Variants in EPHA4 observed in about 807,000 individuals in gnomAD.
EPHA4 encodes EPH receptor A4.
Under a neutral mutation model 108.3 loss-of-function variants are expected in EPHA4, and 19 were observed. The ratio of observed to expected loss-of-function variants is 0.18; its 90% CI spans 0.12 to 0.26. The LOEUF (loss-of-function observed/expected upper bound fraction) is 0.26. EPHA4 is among the 10% of genes least tolerant of loss of function. The probability of loss-of-function intolerance (pLI) is 1.00; values close to 1 mark genes in which losing one functional copy is unlikely to be tolerated. For synonymous variants in EPHA4, 449 were observed against 455.5 expected (o/e 0.99, Z 0.18); for missense variants, 917 against 1,254.0 (o/e 0.73, Z 4.06).
intron 3 of EPHA4, among the ~76,000 whole-genome samples, chr2:221,550,022 A>C (rs1694112742): frequency 1.3e-5 from 2 of 152,144 alleles, no homozygotes; most frequent in African/African-American, 4.8e-5. Flanking sequence ...AAGTAATGAG[A>C]AATTTCAATA....
At chr2:221,550,922 T>C (rs1019517900) in intron 3 of EPHA4, among the ~76,000 whole-genome samples, 15 of 152,004 alleles carry the variant, frequency 9.9e-5, no homozygotes, top group Admixed American at 5.2e-4. Flanking sequence ...AAGATAAATA[T>C]GTAAATTTAA....
At chr2:221,517,510 G>T (rs1364911703) in intron 3 of EPHA4, among the ~76,000 whole-genome samples, 1 of 152,106 alleles carries the variant, frequency 6.6e-6, no homozygotes, top group East Asian at 1.9e-4. Context: ...CCTGTAAGGA[G>T]GCCCTTGAGA....
chr2:221,420,666 T>C (rs565081285), intron 17 of EPHA4, 114 bp from the exon 18 acceptor site: 1 of 152,344 alleles, frequency 6.6e-6, no homozygotes, highest in African/African-American at 2.4e-5. Context: ...TATCCTTCAG[T>C]AAAAGTAGTT....
At chr2:221,432,788 C>T (rs1273314718) in intron 14 of EPHA4, among the ~76,000 whole-genome samples, 4 of 150,372 alleles carry the variant, frequency 2.7e-5, no homozygotes, top group Non-Finnish European at 5.9e-5. Context: ...GGACTACAGG[C>T]GCACACCACC....
intron 14 of EPHA4, among the ~76,000 whole-genome samples, chr2:221,431,109 A>G (rs1381124598): frequency 6.6e-6 from 1 of 152,234 alleles, no homozygotes; most frequent in Non-Finnish European, 1.5e-5. Flanking sequence ...AGGACATGCC[A>G]AATTTATAGA....
intron 4 of EPHA4, among the ~76,000 whole-genome samples, chr2:221,498,921 G>C (rs1480528974): frequency 1.3e-5 from 2 of 151,460 alleles, no homozygotes; most frequent in Non-Finnish European, 2.9e-5. Flanking sequence ...CTCCTGAGCA[G>C]CTGGGATTAC....
At chr2:221,555,336 C>G (rs973296969) in intron 3 of EPHA4, among the ~76,000 whole-genome samples, 1 of 152,118 alleles carries the variant, frequency 6.6e-6, no homozygotes, top group Non-Finnish European at 1.5e-5. Flanking sequence ...AAAGGAAGCC[C>G]TCATTGCCTT....
chr2:221,499,750 ATATATATTTTTTTT>A (rs1195329532), intron 4 of EPHA4, among the ~76,000 whole-genome samples: 3 of 46,552 alleles, frequency 6.4e-5, no homozygotes, highest in African/African-American at 3.6e-4. Context: ...ATATATATAT[ATATATATTTTTTTT>A]TTTTTTTTTT....
At chr2:221,525,839 C>T (rs1187920818) in intron 3 of EPHA4, among the ~76,000 whole-genome samples, 1 of 152,042 alleles carries the variant, frequency 6.6e-6, no homozygotes. Flanking sequence ...AAGGGTCTAC[C>T]AAGTACTTTT....
At position 221,455,672 on chromosome 2, in the gene EPHA4, T is replaced by A. The variant is rs1272216785; in HGVS notation, c.1604-14A>T. The A allele has an allele frequency of 6.3e-7, 1 of 1,592,334 alleles. No individual in the cohort carries two copies. Among genetic ancestry groups the A allele is most frequent in the Admixed American group, 1.7e-5 (1 of 59,856 alleles). On this transcript the variant is annotated splice_polypyrimidine_tract_variant and intron_variant, in intron 7 of 17. Coordinates refer to ENST00000281821, the MANE Select transcript of EPHA4 (RefSeq NM_004438.5). The stretch of plus-strand genomic sequence containing the variant: ...TCCGGGAAGGCACTGGGAATGACAA[T>A]TGCATAAGGGTCACCTTTGGGAAAG...
chr2:221,551,496 T>C (rs762883325), intron 3 of EPHA4, among the ~76,000 whole-genome samples: 2 of 152,198 alleles, frequency 1.3e-5, no homozygotes, highest in Non-Finnish European at 2.9e-5. Flanking sequence ...GATTTTATGG[T>C]TCTCTAGAAG....
intron 3 of EPHA4, among the ~76,000 whole-genome samples, chr2:221,530,354 A>G (rs577432020): frequency 1.4e-4 from 22 of 152,230 alleles, no homozygotes; most frequent in South Asian, 2.1e-4. Context: ...ATGTGATCAC[A>G]CTGTTACTTT....
chr2:221,503,117 A>G (rs1692527495), intron 3 of EPHA4, among the ~76,000 whole-genome samples: 1 of 152,192 alleles, frequency 6.6e-6, no homozygotes, highest in South Asian at 2.1e-4. Context: ...ACACAAACCC[A>G]CTGGGTCCCG....
chr2:221,570,262 A>G (rs1317533174), intron 1 of EPHA4, among the ~76,000 whole-genome samples: 3 of 151,848 alleles, frequency 2.0e-5, no homozygotes, highest in African/African-American at 7.3e-5. Flanking sequence ...CCTCCCCTTC[A>G]ACATTAGCCT....
intron 14 of EPHA4, among the ~76,000 whole-genome samples, chr2:221,430,969 A>G (rs1690059307): frequency 6.6e-6 from 1 of 152,200 alleles, no homozygotes. Context: ...TAAATAACTC[A>G]TTCAACAGTC....
At chr2:221,450,151 T>C (rs973004441) in intron 8 of EPHA4, among the ~76,000 whole-genome samples, 4 of 152,246 alleles carry the variant, frequency 2.6e-5, no homozygotes, top group Non-Finnish European at 5.9e-5. Flanking sequence ...CACATGATTG[T>C]AATATTCCAG....
At position 221,572,169 on chromosome 2, in the gene EPHA4, G is replaced by T; in HGVS notation, c.80C>A (p.Pro27His). 6.2e-7 allele frequency: 1 copy of T among 1,613,864 alleles called. No individual in the cohort carries two copies. The highest frequency in any genetic ancestry group is 8.5e-7 in the Non-Finnish European group (1 of 1,179,768). ...CDAVTGSRVY[P>H]ANEVTLLDSR... ...CGTCCCGCTCTTACCTTCATTCGCGGGGTATACCCTGGAACCTGTGACAGC... is the reference window on the plus strand; with the variant it reads ...CGTCCCGCTCTTACCTTCATTCGCGTGGTATACCCTGGAACCTGTGACAGC... The change falls in exon 1 of 18, where the codon CCC becomes CAC. Residue 27 changes from proline to histidine, a missense_variant. Pro to His is a moderately conservative substitution (Grantham distance 77, BLOSUM62 -2). Coordinates refer to ENST00000281821, the MANE Select transcript of EPHA4 (RefSeq NM_004438.5).
In EPHA4 at chr2:221,564,411, C is replaced by A; in HGVS notation, c.160-17G>T. On this transcript the variant is annotated splice_polypyrimidine_tract_variant and intron_variant, in intron 2 of 17. Transcript: ENST00000281821. ...TTCCTCCCACTGCAAAGATCCAAAG[C>A]AGATGTATCAACTACAAAGTTTCAT... 6.3e-7 allele frequency: 1 copy of A among 1,590,804 alleles called. No homozygotes were observed. Among genetic ancestry groups the A allele is most frequent in the Non-Finnish European group, 8.6e-7 (1 of 1,163,912 alleles).
intron 3 of EPHA4, among the ~76,000 whole-genome samples, chr2:221,532,020 T>C (rs1246496951): frequency 6.6e-6 from 1 of 152,192 alleles, no homozygotes; most frequent in Non-Finnish European, 1.5e-5. Flanking sequence ...GAGTAGCCAG[T>C]GCTCTTTCAA....
Sources: allele counts gnomAD v4.1 joint callset (sites outside exome capture counted in the v4.1 genomes callset), GRCh38; gene constraint gnomAD v4.1.1; transcripts MANE v1.5; gene names NCBI Gene and HGNC (gene_info 2026-07-23, HGNC 2026-07-21).